The following DHCR7 variants were observed in gnomAD, a reference collection of about 807,000 sequenced individuals.
DHCR7 encodes 7-DHC reductase.
DHCR7 carries 40 observed loss-of-function variants against 43.3 expected under a neutral mutation model. The ratio of observed to expected loss-of-function variants is 0.92; its 90% CI spans 0.72 to 1.20. The LOEUF (loss-of-function observed/expected upper bound fraction) is 1.20, where lower values mean the gene tolerates loss of function less well. Ranked by LOEUF, DHCR7 falls within the 50% of genes most tolerant of loss-of-function variation. The probability of loss-of-function intolerance (pLI) is 0.00; values close to 1 mark genes in which losing one functional copy is unlikely to be tolerated. For synonymous variants in DHCR7, 298 were observed against 271.4 expected, an observed-to-expected ratio of 1.10 and a Z score of -0.96; for missense variants, 608 against 644.6, an observed-to-expected ratio of 0.94 and a Z score of 0.62.
intron 3 of DHCR7, 52 bp downstream of exon 3, chr11:71,444,800 AAAG>A: frequency 6.6e-7 from 1 of 1,515,264 alleles, no homozygotes; most frequent in Non-Finnish European, 9.2e-7. Flanking sequence ...CAAAGGCTGG[AAAG>A]CTCTGAGACC....
chr11:71,434,165 G>C (rs112016472), downstream of DHCR7, among the ~76,000 whole-genome samples: 108 of 152,268 alleles, frequency 7.1e-4, 2 homozygotes, highest in Admixed American at 6.5e-3. Flanking sequence ...CATCTCCTTG[G>C]GGGGGAATGG....
In DHCR7 at chr11:71,441,302, G is replaced by A; in HGVS notation, c.551C>T (p.Ala184Val). The A allele has an allele frequency of 6.2e-7, 1 of 1,614,246 alleles. No individual in the cohort carries two copies. The highest frequency in any genetic ancestry group is 8.5e-7 in the Non-Finnish European group (1 of 1,180,044). ...FDNWIPLLWC[A>V]NILGYAVSTF... The stretch of plus-strand genomic sequence containing the variant: ...GGAGACGGCATAGCCAAGGATGTTG[G>A]CGCACCACAGCAGTGGGATCCAGTT... The change falls in exon 6 of 9, where the codon GCC becomes GTC. Residue 184 changes from alanine to valine, a missense_variant. Transcript: ENST00000355527.
downstream of DHCR7, among the ~76,000 whole-genome samples, chr11:71,433,011 T>C (rs761246561): frequency 1.3e-5 from 2 of 152,168 alleles, no homozygotes; most frequent in Non-Finnish European, 1.5e-5. Context: ...AATCTACTCA[T>C]GGGAAAATAG....
downstream of DHCR7, among the ~76,000 whole-genome samples, chr11:71,430,883 G>A (rs554711534): frequency 2.3e-3 from 348 of 152,320 alleles, 1 homozygote; most frequent in Non-Finnish European, 4.0e-3. Context: ...GGCTGGGCAC[G>A]GTGGCTCACG....
rs1161545361 is a variant in DHCR7 at position 71,441,234 on chromosome 11, T to C, written c.619A>G (p.Arg207Gly). 1.2e-6 allele frequency: 2 copies of C among 1,614,170 alleles called. No homozygotes were observed. The highest frequency in any genetic ancestry group is 2.7e-5 in the African/African-American group (2 of 75,046). Reference protein sequence around the residue: ...VKGYFFPTSARDCKFTGNFFY... With the variant: ...VKGYFFPTSAGDCKFTGNFFY... ...CCGCTGCTAAGAACATACCAGTCTC[T>C]GGCGCTGGTGGGGAAGAAGTAGCCC... Residue 207 changes from arginine to glycine, a missense_variant, in exon 6 of 9, where the codon AGA (arginine) becomes GGA (glycine). Transcript: ENST00000355527.
Position 71,444,847 on chromosome 11 carries a change from A to G in DHCR7, c.98+8T>C. On this transcript the variant is annotated splice_region_variant and intron_variant, in intron 3 of 8. Transcript: ENST00000355527. ...CTTTCTAGCTGGGAGAACAGGCAAG[A>G]TCCTTACCAGGCACGGCCCCACTGC... The G allele has an allele frequency of 1.2e-6, 2 of 1,612,958 alleles. No individual in the cohort carries two copies. The highest frequency in any genetic ancestry group is 1.3e-5 in the African/African-American group (1 of 75,020).
intron 4 of DHCR7, 59 bp from the exon 5 acceptor site, chr11:71,442,412 G>A (rs79415457): frequency 8.2e-6 from 10 of 1,224,162 alleles, no homozygotes; most frequent in Non-Finnish European, 8.4e-6. Context: ...AAAGGGGGAC[G>A]CATAGCAGGA....
chr11:71,446,839 C>G (rs1325648998), intron 2 of DHCR7, among the ~76,000 whole-genome samples: 2 of 152,250 alleles, frequency 1.3e-5, no homozygotes, highest in Non-Finnish European at 2.9e-5. Flanking sequence ...ATACTGAATA[C>G]AGAGCCTGGC....
At chr11:71,444,465 G>A (rs925414545) in intron 3 of DHCR7, among the ~76,000 whole-genome samples, 2 of 152,190 alleles carry the variant, frequency 1.3e-5, no homozygotes, top group African/African-American at 2.4e-5. Flanking sequence ...GAATATGAGC[G>A]GAGGTAGGTC....
Position 71,435,051 on chromosome 11 carries a change from G to A in DHCR7, c.*324C>T, listed in dbSNP as rs759058043. ...CTCACCAGTGTGGGCAGAGTGTAGC[G>A]TGGCCTGGGCTCCTAATACAGGTAA... is the stretch of plus-strand genomic sequence containing the variant. On this transcript the variant is annotated 3_prime_UTR_variant, in exon 9 of 9. Transcript: ENST00000355527. The A allele has an allele frequency of 3.6e-4, 199 of 548,130 alleles. No individual in the cohort carries two copies. The highest frequency in any genetic ancestry group is 5.5e-4 in the Non-Finnish European group (156 of 286,122). The allele number at this position is 548,130 out of a possible 1,614,324, so 34.0% of individuals were successfully genotyped here.
intron 6 of DHCR7, 74 bp downstream of exon 6, chr11:71,441,153 C>T: frequency 2.8e-6 from 4 of 1,425,142 alleles, no homozygotes; most frequent in East Asian, 2.3e-5. Flanking sequence ...AACCACCTGC[C>T]CCAGGCAGCA....
downstream of DHCR7, among the ~76,000 whole-genome samples, chr11:71,430,542 T>C (rs1433248180): frequency 1.3e-5 from 2 of 152,148 alleles, no homozygotes; most frequent in African/African-American, 4.8e-5. Flanking sequence ...TGCCTTGTCA[T>C]GTGGGGTGGC....
upstream of DHCR7, chr11:71,448,895 T>G (rs941978527): frequency 3.3e-5 from 5 of 152,400 alleles, no homozygotes; most frequent in African/African-American, 9.7e-5. Context: ...GGTAAACACA[T>G]GGGTGTCAGG....
chr11:71,446,700 T>C (rs1179233468), intron 2 of DHCR7, among the ~76,000 whole-genome samples: 1 of 152,266 alleles, frequency 6.6e-6, no homozygotes, highest in African/African-American at 2.4e-5. Context: ...ATTTTCCTTA[T>C]GCAGTGTGAG....
In DHCR7 at chr11:71,435,798, CG is replaced by C. The variant is rs1555145646; in HGVS notation, c.1004del (p.Pro335ArgfsTer78). 3 of 1,606,892 alleles carry C rather than the reference CG, an allele frequency of 1.9e-6. No individual in the cohort carries two copies. The highest frequency in any genetic ancestry group is 2.2e-5 in the East Asian group (1 of 44,722). On this transcript the variant is annotated frameshift_variant, in exon 9 of 9. Transcript: ENST00000355527. LOFTEE classifies it low-confidence loss of function (END_TRUNC). ...LVYHPVQLST[P>X]HAVGVLLLGL... ...CCAGCAGCAGGACGCCCACGGCGTGCGGGGTGGACAGCTGCACGGGGTGGTA... is the reference window on the plus strand; with the variant it reads ...CCAGCAGCAGGACGCCCACGGCGTGCGGGTGGACAGCTGCACGGGGTGGTA...
chr11:71,448,692 A>T (rs1949432072), upstream of DHCR7: 1 of 152,284 alleles, frequency 6.6e-6, no homozygotes, highest in African/African-American at 2.4e-5. Flanking sequence ...GGCCGCGCGG[A>T]GAACGCGCCA....
chr11:71,430,495 T>TATGG (rs1248461761), downstream of DHCR7, among the ~76,000 whole-genome samples: 2 of 49,182 alleles, frequency 4.1e-5, no homozygotes, highest in Non-Finnish European at 1.4e-4. Context: ...TTCTGCCATT[T>TATGG]GTGGGTGGTG....
rs774755673 is a variant in DHCR7 at position 71,441,252 on chromosome 11, A to G, written c.601T>C (p.Phe201Leu). The change falls in exon 6 of 9, where the codon TTC (phenylalanine) becomes CTC (leucine). Residue 201 changes from phenylalanine to leucine, a missense_variant. Transcript: ENST00000355527. ...VSTFAMVKGY[F>L]FPTSARDCKF... Reference sequence around the variant, plus strand: ...CAGTCTCTGGCGCTGGTGGGGAAGAAGTAGCCCTTGACCATGGCGAAGGTG... The same window carrying G: ...CAGTCTCTGGCGCTGGTGGGGAAGAGGTAGCCCTTGACCATGGCGAAGGTG... 6.2e-7 allele frequency: 1 copy of G among 1,614,208 alleles called. No homozygotes were observed. Among genetic ancestry groups the G allele is most frequent in the Non-Finnish European group, 8.5e-7 (1 of 1,180,042 alleles).
At chr11:71,437,673 G>A in intron 8 of DHCR7, 139 bp downstream of exon 8, 1 of 1,275,236 alleles carries the variant, frequency 7.8e-7, no homozygotes, top group Non-Finnish European at 1.1e-6. Context: ...GGCTGAGCTG[G>A]CTAATACACG....
Sources: gnomAD v4.1 joint callset for allele counts (sites outside exome capture counted in the v4.1 genomes callset) on GRCh38, gnomAD v4.1.1 for gene constraint, MANE v1.5 for transcripts, NCBI Gene and HGNC (gene_info 2026-07-23, HGNC 2026-07-21) for gene names.